The following EML1 variants were observed in gnomAD, a reference collection of about 807,000 sequenced individuals.
EML1 encodes echinoderm microtubule-associated protein-like 1.
In EML1, 27 loss-of-function variants were observed where a neutral mutation model predicts 110.4. The ratio of observed to expected loss-of-function variants is 0.24; its 90% CI spans 0.18 to 0.34. EML1 has a LOEUF of 0.34. Ranked by LOEUF, EML1 falls within the 10% of genes least tolerant of loss-of-function variation. EML1 has a pLI of 1.00. For synonymous variants in EML1, 344 were observed against 385.8 expected (o/e 0.89, Z 1.27); for missense variants, 741 against 1,030.9 (o/e 0.72, Z 3.85).
chr14:99,837,707 C>A (rs1242543416), intron 1 of EML1, among the ~76,000 whole-genome samples: 1 of 152,200 alleles, frequency 6.6e-6, no homozygotes, highest in African/African-American at 2.4e-5. Flanking sequence ...GTACCACCAG[C>A]CTGTTTTAGA....
intron 1 of EML1, among the ~76,000 whole-genome samples, chr14:99,808,460 G>C (rs1349007906): frequency 6.6e-6 from 1 of 152,190 alleles, no homozygotes; most frequent in Non-Finnish European, 1.5e-5. Context: ...ACAGTCATAG[G>C]TGGCAAAGCC....
rs141653535 is a variant in EML1 at position 99,907,676 on chromosome 14, C to T, written c.1047C>T (p.Asn349=). The T allele has an allele frequency of 2.1e-4, 340 of 1,614,176 alleles. 1 individual carries two copies. In the African/African-American group the frequency reaches 2.7e-3, roughly 13 times the overall value. ...GTNLCAVDDS[N]DHVLSVWDWQ... The stretch of plus-strand genomic sequence containing the variant: ...ATCTCTGTGCTGTGGATGACTCCAA[C>T]GACCATGTGCTCTCTGTATGGGACT... The change falls in exon 10 of 22, where the codon AAC becomes AAT. Residue 349 remains asparagine (N), a synonymous_variant. Coordinates refer to ENST00000262233, the MANE Select transcript of EML1 (RefSeq NM_004434.3).
intron 2 of EML1, among the ~76,000 whole-genome samples, chr14:99,856,719 G>A (rs1162372897): frequency 6.6e-6 from 1 of 152,136 alleles, no homozygotes; most frequent in East Asian, 1.9e-4. Flanking sequence ...GGGTTTAGTA[G>A]ATGTTTGTAG....
At chr14:99,833,116 T>C (rs2139780314) in intron 1 of EML1, among the ~76,000 whole-genome samples, 1 of 152,344 alleles carries the variant, frequency 6.6e-6, no homozygotes, top group South Asian at 2.1e-4. Context: ...TCAGTTTTCT[T>C]CTACAAGTTT....
chr14:99,925,913 T>C (rs944047804), intron 17 of EML1, among the ~76,000 whole-genome samples: 1 of 152,118 alleles, frequency 6.6e-6, no homozygotes, highest in Non-Finnish European at 1.5e-5. Context: ...CTAGAGATGG[T>C]CACTTCCATC....
chr14:99,884,480 G>T (rs989913784), intron 4 of EML1, among the ~76,000 whole-genome samples: 1 of 152,154 alleles, frequency 6.6e-6, no homozygotes, highest in African/African-American at 2.4e-5. Context: ...AATGTCAGTG[G>T]CACAATGCCT....
chr14:99,783,989 C>T (rs2057571995), intron 1 of EML1, among the ~76,000 whole-genome samples: 1 of 152,240 alleles, frequency 6.6e-6, no homozygotes, highest in East Asian at 1.9e-4. Flanking sequence ...GGTGGAGATG[C>T]TACGGTTGGA....
intron 3 of EML1, among the ~76,000 whole-genome samples, chr14:99,867,933 G>A (rs927336374): frequency 1.4e-4 from 21 of 152,100 alleles, no homozygotes; most frequent in Middle Eastern, 3.2e-3. Context: ...TTTTACCATT[G>A]AGTATTATTT....
At chr14:99,842,333 A>G (rs2058646373) in intron 1 of EML1, among the ~76,000 whole-genome samples, 1 of 152,218 alleles carries the variant, frequency 6.6e-6, no homozygotes, top group African/African-American at 2.4e-5. Context: ...TGAAGTGTAA[A>G]GTCATTTGAA....
At chr14:99,743,762 G>A (rs1037543029) in intron 1 of EML1, among the ~76,000 whole-genome samples, 5 of 152,210 alleles carry the variant, frequency 3.3e-5, no homozygotes, top group Non-Finnish European at 5.9e-5. Flanking sequence ...TCTATGACAA[G>A]AGATGCAGGT....
rs2059820960 is a variant in EML1 at position 99,905,039 on chromosome 14, G to T, written c.1009-2599G>T. On this transcript the variant is annotated intron_variant, in intron 9 of 21. Coordinates refer to ENST00000262233, the MANE Select transcript of EML1 (RefSeq NM_004434.3). The surrounding 1 kb of genome is among the most constrained non-coding windows in gnomAD (Gnocchi z 4.1). ...TTTTTACCATTCATTCAGCCAGTTT[G>T]CAGAGAGAGAGAGAGAGAAAGGCCA... 6.6e-6 allele frequency among the ~76,000 whole-genome samples: 1 copy of T among 151,496 alleles called. No homozygotes were observed. The highest frequency in any genetic ancestry group is 1.5e-5 in the Non-Finnish European group (1 of 68,032).
chr14:99,921,918 C>T (rs370070986), intron 17 of EML1, among the ~76,000 whole-genome samples: 1 of 152,162 alleles, frequency 6.6e-6, no homozygotes. Context: ...CCCTCACCCC[C>T]AGTCCGAGGA....
intron 2 of EML1, among the ~76,000 whole-genome samples, chr14:99,860,410 C>T (rs1214888905): frequency 6.6e-6 from 1 of 152,178 alleles, no homozygotes; most frequent in Non-Finnish European, 1.5e-5. Flanking sequence ...GTCACTTCTG[C>T]ATTTTTAAAG....
chr14:99,811,414 A>G (rs1389288553), intron 1 of EML1, among the ~76,000 whole-genome samples: 1 of 148,146 alleles, frequency 6.8e-6, no homozygotes, highest in Non-Finnish European at 1.5e-5. Flanking sequence ...AACCTTACCA[A>G]TAATACAAGC....
At chr14:99,748,317 G>A (rs1158239038) in intron 1 of EML1, among the ~76,000 whole-genome samples, 1 of 152,188 alleles carries the variant, frequency 6.6e-6, no homozygotes, top group East Asian at 1.9e-4. Flanking sequence ...TGTGGGGTGA[G>A]TGGTACTCAC....
intron 1 of EML1, among the ~76,000 whole-genome samples, chr14:99,798,967 T>C (rs934365099): frequency 1.3e-5 from 2 of 152,210 alleles, no homozygotes; most frequent in Non-Finnish European, 2.9e-5. Flanking sequence ...AACATTGAAA[T>C]TGACCATTGC....
intron 13 of EML1, among the ~76,000 whole-genome samples, chr14:99,912,173 G>A (rs905835370): frequency 9.9e-5 from 15 of 152,034 alleles, no homozygotes; most frequent in African/African-American, 3.6e-4. Flanking sequence ...GAGCCACCAC[G>A]CCCAGCCTCT....
intron 1 of EML1, among the ~76,000 whole-genome samples, chr14:99,758,388 T>A (rs2057279350): frequency 6.6e-6 from 1 of 152,070 alleles, no homozygotes; most frequent in African/African-American, 2.4e-5. Flanking sequence ...CCACCCACCA[T>A]GTATGGGGAT....
At chr14:99,793,328 C>CG, upstream of EML1, 1 of 981,776 alleles carries the variant, frequency 1.0e-6, no homozygotes, top group Non-Finnish European at 1.2e-6. Context: ...GCGGCGGGCC[C>CG]GGGGTTGCCA....
Sources: gnomAD v4.1 joint callset for allele counts (sites outside exome capture counted in the v4.1 genomes callset) on GRCh38, gnomAD v4.1.1 for gene constraint, Gnocchi (gnomAD v3.1) non-coding constraint, MANE v1.5 for transcripts, NCBI Gene and HGNC (gene_info 2026-07-23, HGNC 2026-07-21) for gene names.